Variants in CDC42BPA observed in about 807,000 individuals in gnomAD.
The protein encoded by CDC42BPA is CDC42 binding protein kinase alpha, also known as serine/threonine-protein kinase MRCK alpha.
CDC42BPA carries 80 observed loss-of-function variants against 223.5 expected under a neutral mutation model. That is an observed-to-expected ratio of 0.36 (90% CI 0.30 to 0.43). CDC42BPA has a LOEUF of 0.43. CDC42BPA is among the 20% of genes least tolerant of loss of function. The pLI, the probability that CDC42BPA is intolerant of heterozygous loss-of-function variation, is 1.00. For synonymous variants in CDC42BPA, 694 were observed against 718.6 expected (o/e 0.97, Z 0.55); for missense variants, 1,743 against 2,099.9 (o/e 0.83, Z 3.32).
intron 13 of CDC42BPA, 101 bp from the exon 14 acceptor site, chr1:227,112,523 C>A: frequency 9.8e-7 from 1 of 1,025,088 alleles, no homozygotes; most frequent in South Asian, 2.5e-5. Flanking sequence ...GAAGATAATT[C>A]AAATGTTTAA....
rs112984109 is a variant in CDC42BPA, at chr1:227,092,319, T to C, written c.2250-328A>G. 9.3e-3 allele frequency among the ~76,000 whole-genome samples: 1,407 copies of C among 152,080 alleles called. 24 individuals are homozygous for C. The highest frequency in any genetic ancestry group is 0.032 in the African/African-American group (1,338 of 41,464). On this transcript the variant is annotated intron_variant, in intron 15 of 36. Transcript: ENST00000366766. ...GTAGAGGCAGACTGCCAATGAAGAG[T>C]GAGTAAAATGAACTAATTTCAGATA...
In CDC42BPA at chr1:227,196,098, T is replaced by G. The variant is rs564443819; in HGVS notation, c.451-2164A>C. Among the ~76,000 whole-genome samples the G allele has an allele frequency of 1.1e-4, 15 of 142,108 alleles. No homozygotes were observed. In the East Asian group the frequency reaches 2.9e-3, roughly 27 times the overall value. The allele number at this position is 142,108 out of a possible 152,430, so 93.2% of individuals were successfully genotyped here. On this transcript the variant is annotated intron_variant, in intron 4 of 36. Transcript: ENST00000366766. ...AGACCATGGCAGCTTTGGGGATTTTTTTTTTAAAAGAGCTCCAGTCCAATG... is the reference window on the plus strand; with the variant it reads ...AGACCATGGCAGCTTTGGGGATTTTGTTTTTAAAAGAGCTCCAGTCCAATG...
intron 1 of CDC42BPA, among the ~76,000 whole-genome samples, chr1:227,279,724 C>T (rs990538401): frequency 1.3e-5 from 2 of 152,156 alleles, no homozygotes; most frequent in African/African-American, 2.4e-5. Flanking sequence ...TTTTTGCAGA[C>T]TTGAAAATAA....
Position 226,995,000 on chromosome 1 carries a change from CA to C in CDC42BPA, c.4976-21del. On this transcript the variant is annotated intron_variant, in intron 35 of 36. Transcript: ENST00000366766. The surrounding 1 kb of genome is among the most constrained non-coding windows in gnomAD (Gnocchi z 4.0). Reference sequence around the variant, plus strand: ...ATGACCCTACAGTACATCATGCAGGCAAAATTTTACATATGCAGAGGGGACA... The same window carrying C: ...ATGACCCTACAGTACATCATGCAGGCAAATTTTACATATGCAGAGGGGACA... The C allele has an allele frequency of 1.2e-6, 2 of 1,603,398 alleles. No individual in the cohort carries two copies. The highest frequency in any genetic ancestry group is 1.7e-6 in the Non-Finnish European group (2 of 1,173,600).
intron 4 of CDC42BPA, among the ~76,000 whole-genome samples, chr1:227,197,329 A>C (rs1046933131): frequency 3.3e-5 from 5 of 152,142 alleles, no homozygotes; most frequent in Non-Finnish European, 5.9e-5. Flanking sequence ...GATAACCAAG[A>C]CCTCTGACTC....
intron 5 of CDC42BPA, among the ~76,000 whole-genome samples, chr1:227,182,137 A>C (rs1668044780): frequency 6.6e-6 from 1 of 152,062 alleles, no homozygotes; most frequent in Admixed American, 6.6e-5. Context: ...CTCTTAATCT[A>C]TCCAGTCTCT....
intron 5 of CDC42BPA, among the ~76,000 whole-genome samples, chr1:227,177,764 C>G (rs980878004): frequency 2.0e-5 from 3 of 152,148 alleles, no homozygotes; most frequent in African/African-American, 7.2e-5. Flanking sequence ...TCTCTATTCT[C>G]TCTACCTGGA....
intron 35 of CDC42BPA, among the ~76,000 whole-genome samples, 177 bp from the exon 36 acceptor site, chr1:226,995,157 T>C (rs938616843): frequency 2.6e-5 from 4 of 152,084 alleles, no homozygotes; most frequent in Non-Finnish European, 5.9e-5. Context: ...AATCCAGCAA[T>C]CTCACTCGCT....
chr1:227,129,038 G>C, intron 11 of CDC42BPA, 71 bp downstream of exon 11: 1 of 1,058,728 alleles, frequency 9.4e-7, no homozygotes, highest in East Asian at 2.4e-5. Flanking sequence ...CTCAATAGAT[G>C]TTTTTTGTGT....
intron 12 of CDC42BPA, among the ~76,000 whole-genome samples, chr1:227,117,237 T>C (rs1183833667): frequency 1.3e-5 from 2 of 152,158 alleles, no homozygotes; most frequent in Admixed American, 6.5e-5. Context: ...TTCAGAAAAA[T>C]AGTAATAAAT....
rs745353155 is a variant in CDC42BPA, at chr1:227,033,441, G to T, written c.3477-26C>A. ...CTGAACGAAAAGCAAAGCATTAAAA[G>T]TTACTATATGTGGCTATGTGTGTGT... is the stretch of plus-strand genomic sequence containing the variant. On this transcript the variant is annotated intron_variant, in intron 26 of 36. Transcript: ENST00000366766. 137 of 1,491,364 alleles carry T rather than the reference G, an allele frequency of 9.2e-5. 1 individual carries two copies. The highest frequency in any genetic ancestry group is 2.8e-6 in the Non-Finnish European group (3 of 1,068,162). 92.4% of individuals were successfully genotyped at this position (1,491,364 alleles called of 1,614,324 possible).
intron 2 of CDC42BPA, among the ~76,000 whole-genome samples, chr1:227,231,406 A>G (rs529316049): frequency 1.3e-5 from 2 of 151,968 alleles, no homozygotes; most frequent in Non-Finnish European, 2.9e-5. Flanking sequence ...GGTTGGCTCC[A>G]AGTCTTTGCT....
In CDC42BPA at chr1:227,259,775, A is replaced by G. The variant is rs2148349676; in HGVS notation, c.179-5620T>C. Among the ~76,000 whole-genome samples, 2 of 151,166 alleles carry G rather than the reference A, an allele frequency of 1.3e-5. 1 individual carries two copies. Among genetic ancestry groups the G allele is most frequent in the African/African-American group, 4.9e-5 (2 of 40,450 alleles). ...ACCAACTTAGAAGTAATAGCTTAGA[A>G]GTAATAGTTTTATGTAAATTATGAC... On this transcript the variant is annotated intron_variant, in intron 1 of 36. Transcript: ENST00000366766.
rs183262512 is a variant in CDC42BPA at position 227,137,790 on chromosome 1, A to C, written c.1390+1786T>G. ...TATACTGTATGATACCATTTATATG[A>C]AGATCAAAAACCGGTAAAAATTCAT... On this transcript the variant is annotated intron_variant, in intron 10 of 36. Coordinates refer to ENST00000366766, the MANE Select transcript of CDC42BPA (RefSeq NM_001394014.1). Among the ~76,000 whole-genome samples, 133 of 152,234 alleles carry C rather than the reference A, an allele frequency of 8.7e-4. 1 individual carries two copies. The highest frequency in any genetic ancestry group is 3.1e-3 in the African/African-American group (127 of 41,560).
At position 227,101,008 on chromosome 1, in the gene CDC42BPA, T is replaced by C; in HGVS notation, c.2233A>G (p.Lys745Glu). ...EIMILKDKLE[K>E]TRRESQSERE... ...GATTCTTACCTTTCTCTTCTGGTTT[T>C]TTCCAATTTGTCTTTTAAAATCATA... The change falls in exon 15 of 37, where the codon AAA becomes GAA. Residue 745 changes from lysine (K) to glutamate (E), a missense_variant. Lys to Glu is a moderately conservative substitution (Grantham distance 56). Transcript: ENST00000366766. 1 of 1,511,510 alleles carries C rather than the reference T, an allele frequency of 6.6e-7. No homozygotes were observed. Among genetic ancestry groups the C allele is most frequent in the Non-Finnish European group, 9.1e-7 (1 of 1,094,058 alleles). 93.6% of individuals were successfully genotyped at this position (1,511,510 alleles called of 1,614,324 possible). A position where few individuals can be genotyped will look rare whatever the true frequency, so the allele number is the denominator to read the frequency against.
chr1:227,108,074 C>T (rs1331250174), intron 14 of CDC42BPA, among the ~76,000 whole-genome samples: 3 of 152,000 alleles, frequency 2.0e-5, no homozygotes, highest in Non-Finnish European at 4.4e-5. Context: ...CTATTATTTT[C>T]TAGTCTTTAT....
At chr1:227,265,306 C>G in intron 1 of CDC42BPA, 1 of 459,878 alleles carries the variant, frequency 2.2e-6, no homozygotes, top group Non-Finnish European at 4.0e-6. Context: ...GCTTCGTTTC[C>G]CTACCTGTAC....
intron 2 of CDC42BPA, among the ~76,000 whole-genome samples, chr1:227,245,570 C>T (rs184687504): frequency 5.9e-5 from 9 of 152,206 alleles, no homozygotes; most frequent in East Asian, 5.8e-4. Flanking sequence ...AGATTACAGG[C>T]GTAAGCCACC....
rs61617075 is a variant in CDC42BPA, at chr1:227,138,524, C to CA, written c.1390+1051dup. 1.5e-3 allele frequency among the ~76,000 whole-genome samples: 148 copies of CA among 96,162 alleles called. 4 individuals carry two copies. In the East Asian group the frequency reaches 0.033, roughly 21 times the overall value. The allele number at this position is 96,162 out of a possible 152,430, so 63.1% of individuals were successfully genotyped here. A position where few individuals can be genotyped will look rare whatever the true frequency, so the allele number is the denominator to read the frequency against. ...CCAGGAGATAAAGTGCCCCAGAAGC[C>CA]AAAAAAAAAAAAAGAGAGCGTTATC... On this transcript the variant is annotated intron_variant, in intron 10 of 36. Coordinates refer to ENST00000366766, the MANE Select transcript of CDC42BPA (RefSeq NM_001394014.1).
Sources: gnomAD v4.1 joint callset for allele counts (sites outside exome capture counted in the v4.1 genomes callset) on GRCh38, gnomAD v4.1.1 for gene constraint, Gnocchi (gnomAD v3.1) non-coding constraint, MANE v1.5 for transcripts, NCBI Gene and HGNC (gene_info 2026-07-23, HGNC 2026-07-21) for gene names.